Variants in GLG1 observed in about 807,000 individuals in gnomAD.
GLG1 encodes the protein golgi glycoprotein 1.
Under a neutral mutation model 160.5 loss-of-function variants are expected in GLG1, and 38 were observed. The observed-to-expected ratio is 0.24, with a 90% CI of 0.18 to 0.31. The LOEUF (loss-of-function observed/expected upper bound fraction) is 0.31, where lower values mean the gene tolerates loss of function less well. GLG1 is among the 10% of genes least tolerant of loss of function. The pLI is 1.00. For synonymous variants in GLG1, 644 were observed against 543.4 expected (o/e 1.19, Z -2.57); for missense variants, 1,373 against 1,505.2 (o/e 0.91, Z 1.45).
chr16:74,590,070 T>C (rs1958138567), intron 1 of GLG1, among the ~76,000 whole-genome samples: 1 of 152,034 alleles, frequency 6.6e-6, no homozygotes, highest in Non-Finnish European at 1.5e-5. Context: ...AGTGACACGA[T>C]CTCTGCAAGC....
intron 4 of GLG1, among the ~76,000 whole-genome samples, chr16:74,502,919 G>A (rs1014081591): frequency 1.6e-4 from 24 of 150,412 alleles, no homozygotes; most frequent in African/African-American, 4.4e-4. Context: ...AAAGATTACT[G>A]AACTTGGCCG....
At chr16:74,596,761 G>C (rs887885337) in intron 1 of GLG1, among the ~76,000 whole-genome samples, 2 of 152,138 alleles carry the variant, frequency 1.3e-5, no homozygotes, top group African/African-American at 4.8e-5. Context: ...TTCAAATCTT[G>C]ATTCCACTAC....
chr16:74,477,914 G>T (rs1392205685), intron 11 of GLG1, among the ~76,000 whole-genome samples: 2 of 151,174 alleles, frequency 1.3e-5, no homozygotes, highest in Non-Finnish European at 2.9e-5. Context: ...TGGACATTGT[G>T]GTGAGCTGAG....
At chr16:74,515,428 G>C (rs1217455818) in intron 2 of GLG1, among the ~76,000 whole-genome samples, 1 of 152,154 alleles carries the variant, frequency 6.6e-6, no homozygotes, top group Non-Finnish European at 1.5e-5. Context: ...TAAAAGAGGA[G>C]AAATCACAAC....
intron 1 of GLG1, among the ~76,000 whole-genome samples, chr16:74,590,016 T>G (rs961218475): frequency 6.6e-6 from 1 of 152,088 alleles, no homozygotes; most frequent in Non-Finnish European, 1.5e-5. Context: ...TTGTTGTTTT[T>G]TTGAGATGGA....
intron 1 of GLG1, among the ~76,000 whole-genome samples, chr16:74,603,873 C>T (rs1358459795): frequency 2.0e-5 from 3 of 151,866 alleles, no homozygotes; most frequent in African/African-American, 7.3e-5. Flanking sequence ...AATAATTATA[C>T]ACACACAACT....
chr16:74,572,129 CA>C (rs2018845043), intron 1 of GLG1, among the ~76,000 whole-genome samples: 1 of 152,134 alleles, frequency 6.6e-6, no homozygotes, highest in African/African-American at 2.4e-5. Flanking sequence ...CTTTCAGGCC[CA>C]CCCCCAATCT....
intron 1 of GLG1, among the ~76,000 whole-genome samples, chr16:74,581,299 T>C (rs1021866908): frequency 5.3e-5 from 8 of 152,142 alleles, no homozygotes; most frequent in African/African-American, 1.9e-4. Context: ...TATAATGGAA[T>C]GTTATTCACC....
intron 18 of GLG1, 139 bp from the exon 19 acceptor site, chr16:74,465,952 C>T (rs2014984448): frequency 2.5e-6 from 2 of 788,400 alleles, no homozygotes; most frequent in Non-Finnish European, 4.2e-6. Context: ...ATCAGGATTT[C>T]CTTACCAAAG....
chr16:74,484,987 CACT>C (rs944745730), intron 9 of GLG1, among the ~76,000 whole-genome samples: 74 of 152,162 alleles, frequency 4.9e-4, no homozygotes, highest in African/African-American at 1.4e-3. Context: ...GATCATAACT[CACT>C]GTAACCTTGA....
At chr16:74,544,092 G>C (rs1405909550) in intron 1 of GLG1, among the ~76,000 whole-genome samples, 2 of 152,142 alleles carry the variant, frequency 1.3e-5, no homozygotes, top group African/African-American at 2.4e-5. Context: ...ACATCTCATA[G>C]GTATGTCAAT....
At chr16:74,572,167 T>A (rs1248753633) in intron 1 of GLG1, among the ~76,000 whole-genome samples, 1 of 152,060 alleles carries the variant, frequency 6.6e-6, no homozygotes, top group Non-Finnish European at 1.5e-5. Context: ...GGCTGAAGGT[T>A]AAGTTGATCA....
intron 1 of GLG1, among the ~76,000 whole-genome samples, chr16:74,595,278 C>A (rs867470795): frequency 2.0e-5 from 3 of 151,952 alleles, no homozygotes; most frequent in African/African-American, 7.3e-5. Flanking sequence ...TGGCTCACGC[C>A]TGTAATCCCA....
chr16:74,458,047 A>T, intron 23 of GLG1, 53 bp from the exon 24 acceptor site: 1 of 1,583,362 alleles, frequency 6.3e-7, no homozygotes, highest in South Asian at 1.1e-5. Context: ...AATGCATCAG[A>T]TCTGTTGTCT....
chr16:74,570,247 C>G (rs1202795374), intron 1 of GLG1, among the ~76,000 whole-genome samples: 2 of 152,150 alleles, frequency 1.3e-5, no homozygotes, highest in African/African-American at 4.8e-5. Flanking sequence ...ATTTCTCCAG[C>G]TGTCTAATAA....
In GLG1 at chr16:74,537,166, A is replaced by G. The variant is rs187866210; in HGVS notation, c.439-5013T>C. On this transcript the variant is annotated intron_variant, in intron 1 of 25. Coordinates refer to ENST00000422840, the MANE Select transcript of GLG1 (RefSeq NM_001145667.2). ...CAATAAGTAAACTATTATAAACAGAAGAATGAGAAAATGAAGAGAATTTAG... is the reference window on the plus strand; with the variant it reads ...CAATAAGTAAACTATTATAAACAGAGGAATGAGAAAATGAAGAGAATTTAG... Among the ~76,000 whole-genome samples, 4 of 152,324 alleles carry G rather than the reference A, an allele frequency of 2.6e-5. 1 individual carries two copies. Among genetic ancestry groups the G allele is most frequent in the African/African-American group, 9.6e-5 (4 of 41,588 alleles).
chr16:74,574,025 C>CATGA (rs1173803624), intron 1 of GLG1, among the ~76,000 whole-genome samples: 1 of 152,148 alleles, frequency 6.6e-6, no homozygotes, highest in Non-Finnish European at 1.5e-5. Flanking sequence ...AAGCTACTGA[C>CATGA]TCATGATTCT....
intron 3 of GLG1, among the ~76,000 whole-genome samples, chr16:74,504,738 A>G (rs1012516503): frequency 6.6e-6 from 1 of 152,212 alleles, no homozygotes; most frequent in African/African-American, 2.4e-5. Flanking sequence ...CAGTTTAGCA[A>G]GAAGTTTGGG....
At chr16:74,454,538 C>T (rs1020079906) in intron 25 of GLG1, among the ~76,000 whole-genome samples, 3 of 151,242 alleles carry the variant, frequency 2.0e-5, no homozygotes, top group African/African-American at 2.4e-5. Context: ...TGGTGGCGCT[C>T]GCCTGCAATC....
Sources: allele counts gnomAD v4.1 joint callset (sites outside exome capture counted in the v4.1 genomes callset), GRCh38; gene constraint gnomAD v4.1.1; transcripts MANE v1.5; gene names NCBI Gene and HGNC (gene_info 2026-07-23, HGNC 2026-07-21).